TMEM132B: variants seen among roughly 807,000 people sequenced by gnomAD.
TMEM132B encodes transmembrane protein 132B.
Under a neutral mutation model 90.8 loss-of-function variants are expected in TMEM132B, and 18 were observed. The observed-to-expected ratio is 0.20, with a 90% CI of 0.14 to 0.29. TMEM132B has a LOEUF of 0.29. Among genes scored for constraint, TMEM132B ranks in the 10% least tolerant of loss-of-function variants. The probability of loss-of-function intolerance (pLI) is 1.00; values close to 1 mark genes in which losing one functional copy is unlikely to be tolerated. For missense variants in TMEM132B, 1,096 were observed against 1,326.8 expected, an observed-to-expected ratio of 0.83 and a Z score of 2.70; for synonymous variants, 504 against 523.3, an observed-to-expected ratio of 0.96 and a Z score of 0.50.
At chr12:125,594,961 G>C (rs1390167088) in intron 5 of TMEM132B, among the ~76,000 whole-genome samples, 1 of 152,092 alleles carries the variant, frequency 6.6e-6, no homozygotes, top group Non-Finnish European at 1.5e-5. Flanking sequence ...GTGTTCTCAG[G>C]AAATGTCAGC....
chr12:125,280,401 T>C (rs12369591), intron 1 of TMEM132B, among the ~76,000 whole-genome samples: 24,091 of 152,280 alleles, frequency 0.16, 2,446 homozygotes, highest in African/African-American at 0.28. Context: ...GAGGCTAACT[T>C]AATTGGTCTT....
At chr12:125,462,337 C>A (rs1195048931) in intron 3 of TMEM132B, among the ~76,000 whole-genome samples, 1 of 152,042 alleles carries the variant, frequency 6.6e-6, no homozygotes, top group East Asian at 1.9e-4. Context: ...TGTTTGTATT[C>A]ATAGAGGACC....
At chr12:125,562,062 C>T (rs1884546056) in intron 4 of TMEM132B, among the ~76,000 whole-genome samples, 1 of 152,194 alleles carries the variant, frequency 6.6e-6, no homozygotes, top group African/African-American at 2.4e-5. Context: ...TAGCCATCTT[C>T]AAAGATCTTA....
chr12:125,443,204 G>T (rs10466869), intron 3 of TMEM132B, among the ~76,000 whole-genome samples: 1 of 152,112 alleles, frequency 6.6e-6, no homozygotes, highest in Non-Finnish European at 1.5e-5. Context: ...GTTGGCTACG[G>T]TTTTACTTAC....
rs1376161818 is a variant in TMEM132B, at chr12:125,656,717, T to G, written c.*2007T>G. On this transcript the variant is annotated 3_prime_UTR_variant, in exon 9 of 9. Transcript: ENST00000682704. ...TCAGCCAAAAGCTTTTCAAAGAGTT[T>G]GGTGCAGAGGTAGCTCAGAGCCAAC... is the stretch of plus-strand genomic sequence containing the variant. 3.4e-4 allele frequency: 51 copies of G among 152,164 alleles called. No homozygotes were observed. The highest frequency in any genetic ancestry group is 3.3e-3 in the Admixed American group (51 of 15,282). The allele number at this position is 152,164 out of a possible 1,614,324, so 9.4% of individuals were successfully genotyped here. A position where few individuals can be genotyped will look rare whatever the true frequency, so the allele number is the denominator to read the frequency against.
chr12:125,444,587 G>C (rs1004284509), intron 3 of TMEM132B, among the ~76,000 whole-genome samples: 3 of 152,130 alleles, frequency 2.0e-5, no homozygotes, highest in African/African-American at 4.8e-5. Flanking sequence ...TGATGGTACT[G>C]GGTATTGATA....
intron 1 of TMEM132B, among the ~76,000 whole-genome samples, chr12:125,236,052 C>T (rs564509783): frequency 6.6e-5 from 10 of 152,322 alleles, no homozygotes; most frequent in African/African-American, 2.4e-4. Flanking sequence ...ATCCGCCCAC[C>T]TTAGCCTTCC....
Position 125,519,594 on chromosome 12 carries a change from C to A in TMEM132B, c.1262C>A (p.Thr421Lys), listed in dbSNP as rs1330120553. The change falls in exon 4 of 9, where the codon ACA becomes AAA. Residue 421 changes from threonine (T) to lysine (K), a missense_variant. Physicochemically the swap from Thr to Lys is moderately conservative, Grantham distance 78. Transcript: ENST00000682704. ...LVVSEIFVSQ[T>K]TFVGIVPLAM... Reference sequence around the variant, plus strand: ...GTCTCCGAGATCTTCGTCAGCCAGACAACCTTCGTGGGCATCGTCCCTCTT... The same window carrying A: ...GTCTCCGAGATCTTCGTCAGCCAGAAAACCTTCGTGGGCATCGTCCCTCTT... The A allele has an allele frequency of 6.2e-7, 1 of 1,614,140 alleles. No individual in the cohort carries two copies. The highest frequency in any genetic ancestry group is 2.2e-5 in the East Asian group (1 of 44,860).
intron 3 of TMEM132B, among the ~76,000 whole-genome samples, chr12:125,511,294 A>G (rs555516911): frequency 2.6e-5 from 4 of 152,174 alleles, no homozygotes; most frequent in African/African-American, 9.7e-5. Context: ...TGATCCATTC[A>G]TTGCTTGATA....
chr12:125,504,126 T>G (rs1390636753), intron 3 of TMEM132B, among the ~76,000 whole-genome samples: 1 of 152,194 alleles, frequency 6.6e-6, no homozygotes, highest in Non-Finnish European at 1.5e-5. Flanking sequence ...ATTTACACAT[T>G]TTGGGATTAC....
At chr12:125,321,500 G>A (rs1177734329) in intron 1 of TMEM132B, among the ~76,000 whole-genome samples, 6 of 148,090 alleles carry the variant, frequency 4.1e-5, no homozygotes, top group South Asian at 2.1e-4. Flanking sequence ...TTTTCTTTAC[G>A]GAGTTTTGTT....
chr12:125,284,185 A>C (rs1407445433), intron 1 of TMEM132B, among the ~76,000 whole-genome samples: 1 of 152,176 alleles, frequency 6.6e-6, no homozygotes, highest in African/African-American at 2.4e-5. Flanking sequence ...ATGTACATGT[A>C]CATAGCTCAA....
intron 3 of TMEM132B, among the ~76,000 whole-genome samples, chr12:125,416,863 G>C (rs1880029492): frequency 6.6e-6 from 1 of 152,214 alleles, no homozygotes; most frequent in African/African-American, 2.4e-5. Context: ...TTTCCCTGCA[G>C]ATTTGTGTCT....
intron 4 of TMEM132B, among the ~76,000 whole-genome samples, chr12:125,541,154 G>C (rs1232718366): frequency 1.3e-5 from 2 of 152,182 alleles, no homozygotes; most frequent in Non-Finnish European, 2.9e-5. Flanking sequence ...CTTTTATGCT[G>C]CTTCAGTTTT....
chr12:125,401,722 G>A lies in TMEM132B; in HGVS notation c.960-13809G>A, dbSNP rs149915789. Among the ~76,000 whole-genome samples, 142 of 152,248 alleles carry A rather than the reference G, an allele frequency of 9.3e-4. 1 individual carries two copies. Among genetic ancestry groups the A allele is most frequent in the African/African-American group, 3.0e-3 (124 of 41,534 alleles). On this transcript the variant is annotated intron_variant, in intron 2 of 8. Coordinates refer to ENST00000682704, the MANE Select transcript of TMEM132B (RefSeq NM_001366854.1). ...AGCATTGCAATTCAAAGCTAGAAGG[G>A]TGTGATGGAGAAATTTTCTTTAAGT...
At chr12:125,470,966 T>C (rs1277727454) in intron 3 of TMEM132B, among the ~76,000 whole-genome samples, 1 of 152,254 alleles carries the variant, frequency 6.6e-6, no homozygotes, top group African/African-American at 2.4e-5. Context: ...TACCTCGACC[T>C]GACCAGCTCT....
Position 125,411,660 on chromosome 12 carries a change from CG to C in TMEM132B, c.960-3866del, listed in dbSNP as rs1045352317. Among the ~76,000 whole-genome samples the C allele has an allele frequency of 1.3e-3, 196 of 152,008 alleles. 1 individual carries two copies. The highest frequency in any genetic ancestry group is 3.4e-3 in the Middle Eastern group (1 of 292). ...GGCTGTCATCTGGGCTCCAGTTGAC[CG>C]GGGGAAGGTAAAGGGTTGGTTGCTG... On this transcript the variant is annotated intron_variant, in intron 2 of 8. Transcript: ENST00000682704.
At chr12:125,635,236 C>T (rs1239055868) in intron 5 of TMEM132B, among the ~76,000 whole-genome samples, 2 of 152,146 alleles carry the variant, frequency 1.3e-5, no homozygotes, top group African/African-American at 4.8e-5. Flanking sequence ...TGTTGGCTTG[C>T]TGCACACATC....
intron 3 of TMEM132B, among the ~76,000 whole-genome samples, chr12:125,479,421 A>C (rs1168344428): frequency 6.6e-6 from 1 of 152,238 alleles, no homozygotes; most frequent in Admixed American, 6.5e-5. Context: ...AGGAAGATCT[A>C]CTAAGCAAAT....
Sources: gnomAD v4.1 joint callset for allele counts (sites outside exome capture counted in the v4.1 genomes callset) on GRCh38, gnomAD v4.1.1 for gene constraint, MANE v1.5 for transcripts, NCBI Gene and HGNC (gene_info 2026-07-23, HGNC 2026-07-21) for gene names.